The following DACH1 variants were observed in gnomAD, a reference collection of about 807,000 sequenced individuals.
DACH1 encodes dachshund homolog 1.
DACH1 carries 12 observed loss-of-function variants against 54.2 expected under a neutral mutation model. That is an observed-to-expected ratio of 0.22 (90% CI 0.14 to 0.36). The LOEUF is 0.36. DACH1 is among the 10% of genes least tolerant of loss of function. The pLI, the probability that DACH1 is intolerant of heterozygous loss-of-function variation, is 1.00. For synonymous variants in DACH1, 386 were observed against 366.2 expected (o/e 1.05, Z -0.62); for missense variants, 805 against 929.8 (o/e 0.87, Z 1.75).
rs1884167761 is a variant in DACH1, at chr13:71,737,139, CT to C, written c.849-55230del. ...TTGGGAGGCTGAGGCAGAAGAATCGCTTGAACCCGAGAGGCAGAGGCTGCAG... is the reference window on the plus strand; with the variant it reads ...TTGGGAGGCTGAGGCAGAAGAATCGCTGAACCCGAGAGGCAGAGGCTGCAG... On this transcript the variant is annotated intron_variant, in intron 1 of 10. Transcript: ENST00000613252. 2.0e-5 allele frequency among the ~76,000 whole-genome samples: 3 copies of C among 152,066 alleles called. No individual in the cohort carries two copies. In the South Asian group the frequency reaches 6.3e-4, roughly 32 times the overall value.
intron 7 of DACH1, among the ~76,000 whole-genome samples, chr13:71,482,233 G>GTT (rs201848878): frequency 6.7e-6 from 1 of 148,610 alleles, no homozygotes; most frequent in Non-Finnish European, 1.5e-5. Flanking sequence ...TAGAGATTGA[G>GTT]TTTTTTTTTT....
intron 7 of DACH1, among the ~76,000 whole-genome samples, chr13:71,483,964 A>G (rs1292980910): frequency 6.6e-6 from 1 of 152,182 alleles, no homozygotes; most frequent in Non-Finnish European, 1.5e-5. Context: ...GCACAACTCT[A>G]AGACTGTCCA....
intron 8 of DACH1, among the ~76,000 whole-genome samples, chr13:71,477,736 C>T (rs1877699769): frequency 6.6e-6 from 1 of 152,060 alleles, no homozygotes; most frequent in Non-Finnish European, 1.5e-5. Context: ...GCTTAATACC[C>T]TGCACTTTGC....
chr13:71,758,277 A>G (rs1885252317), intron 1 of DACH1, among the ~76,000 whole-genome samples: 1 of 152,206 alleles, frequency 6.6e-6, no homozygotes, highest in Admixed American at 6.5e-5. Context: ...TTGACAGAGC[A>G]GAAATAGATT....
chr13:71,797,438 A>T (rs1436894983), intron 1 of DACH1, among the ~76,000 whole-genome samples: 1 of 152,150 alleles, frequency 6.6e-6, no homozygotes, highest in East Asian at 1.9e-4. Context: ...ATCAAACAGT[A>T]CATTGACTGA....
At chr13:71,679,846 G>A (rs1880791179) in intron 2 of DACH1, among the ~76,000 whole-genome samples, 2 of 151,446 alleles carry the variant, frequency 1.3e-5, no homozygotes, top group South Asian at 4.2e-4. Context: ...TTCGGGCGTA[G>A]TGGCACATGC....
intron 4 of DACH1, 95 bp from the exon 5 acceptor site, chr13:71,560,050 A>G: frequency 7.6e-7 from 1 of 1,319,032 alleles, no homozygotes; most frequent in South Asian, 1.7e-5. Context: ...ACAATAAGAA[A>G]TGTAAAGAGA....
chr13:71,625,196 T>G (rs961880664), intron 3 of DACH1, among the ~76,000 whole-genome samples: 2 of 151,936 alleles, frequency 1.3e-5, no homozygotes, highest in African/African-American at 2.4e-5. Flanking sequence ...AGCAGCATCA[T>G]CTGTTTGAAA....
intron 1 of DACH1, among the ~76,000 whole-genome samples, chr13:71,772,405 C>CT (rs1010269864): frequency 6.6e-6 from 1 of 151,554 alleles, no homozygotes; most frequent in Non-Finnish European, 1.5e-5. Flanking sequence ...GTGCAGAGAG[C>CT]TTTTTTTCAC....
chr13:71,584,561 G>T (rs916696691), intron 3 of DACH1, among the ~76,000 whole-genome samples: 11 of 152,030 alleles, frequency 7.2e-5, no homozygotes, highest in African/African-American at 2.4e-4. Flanking sequence ...AAAGTATTAA[G>T]ACTTTAAGAA....
At chr13:71,681,972 T>C in intron 1 of DACH1, 62 bp from the exon 2 acceptor site, 2 of 1,014,910 alleles carry the variant, frequency 2.0e-6, no homozygotes, top group African/African-American at 1.6e-5. Context: ...CATTTCAAAG[T>C]TGTTTCAAGT....
chr13:71,773,450 T>G (rs1194379282), intron 1 of DACH1, among the ~76,000 whole-genome samples: 1 of 151,946 alleles, frequency 6.6e-6, no homozygotes, highest in Non-Finnish European at 1.5e-5. Flanking sequence ...GCATTAATAC[T>G]GTGTTCTATT....
intron 6 of DACH1, among the ~76,000 whole-genome samples, chr13:71,545,208 A>G (rs1883382572): frequency 6.6e-6 from 1 of 152,082 alleles, no homozygotes; most frequent in African/African-American, 2.4e-5. Flanking sequence ...AATTTTAACC[A>G]GGACTTAAAT....
chr13:71,613,314 CA>C (rs886432014), intron 3 of DACH1, among the ~76,000 whole-genome samples: 1 of 152,064 alleles, frequency 6.6e-6, no homozygotes, highest in African/African-American at 2.4e-5. Flanking sequence ...AAGAATAACC[CA>C]AGAGTTTTGA....
At chr13:71,555,852 T>C (rs1489952829) in intron 6 of DACH1, among the ~76,000 whole-genome samples, 1 of 152,116 alleles carries the variant, frequency 6.6e-6, no homozygotes, top group East Asian at 1.9e-4. Context: ...GCACTTGATA[T>C]CAAGTTTCAC....
At chr13:71,704,929 C>T (rs1040873390) in intron 1 of DACH1, among the ~76,000 whole-genome samples, 23 of 151,750 alleles carry the variant, frequency 1.5e-4, no homozygotes, top group African/African-American at 5.1e-4. Context: ...GGTAGTTCCT[C>T]TAAAATCATT....
At chr13:71,674,262 C>A (rs564485074) in intron 2 of DACH1, among the ~76,000 whole-genome samples, 2 of 152,154 alleles carry the variant, frequency 1.3e-5, no homozygotes, top group African/African-American at 4.8e-5. Flanking sequence ...CTGCCAATGG[C>A]CTCCAAAATT....
At chr13:71,550,851 A>G (rs1883767064) in intron 6 of DACH1, among the ~76,000 whole-genome samples, 1 of 152,132 alleles carries the variant, frequency 6.6e-6, no homozygotes, top group South Asian at 2.1e-4. Context: ...AAAATTACAT[A>G]GGTAGGTAAT....
At chr13:71,552,598 A>C (rs960304772) in intron 6 of DACH1, among the ~76,000 whole-genome samples, 1 of 151,340 alleles carries the variant, frequency 6.6e-6, no homozygotes, top group African/African-American at 2.4e-5. Flanking sequence ...GGATAAACAG[A>C]GAGCTCTAGC....
Sources: allele counts gnomAD v4.1 joint callset (sites outside exome capture counted in the v4.1 genomes callset), GRCh38; gene constraint gnomAD v4.1.1; transcripts MANE v1.5; gene names NCBI Gene and HGNC (gene_info 2026-07-23, HGNC 2026-07-21).